Variants in PLSCR2 observed in about 807,000 individuals in gnomAD.
PLSCR2 encodes phospholipid scramblase 2, also known as PL scramblase 2.
Under a neutral mutation model 25.3 loss-of-function variants are expected in PLSCR2, and 18 were observed. The ratio of observed to expected loss-of-function variants is 0.71; its 90% CI spans 0.49 to 1.06. The LOEUF (loss-of-function observed/expected upper bound fraction) is 1.06. Ranked by LOEUF, PLSCR2 falls within the 50% of genes least tolerant of loss-of-function variation. The pLI, the probability that PLSCR2 is intolerant of heterozygous loss-of-function variation, is 0.00. For missense variants in PLSCR2, 243 were observed against 269.5 expected (o/e 0.90, Z 0.69); for synonymous variants, 88 against 87.3 (o/e 1.01, Z -0.04).
intron 1 of PLSCR2, among the ~76,000 whole-genome samples, chr3:146,489,553 A>G (rs1339972822): frequency 6.6e-6 from 1 of 152,026 alleles, no homozygotes; most frequent in Non-Finnish European, 1.5e-5. Flanking sequence ...ACATTTACTA[A>G]TTTCTCTCTT....
intron 1 of PLSCR2, among the ~76,000 whole-genome samples, chr3:146,492,197 T>C (rs889206256): frequency 6.6e-6 from 1 of 152,164 alleles, no homozygotes; most frequent in Non-Finnish European, 1.5e-5. Flanking sequence ...GATCAAATAC[T>C]CACTGCATCG....
chr3:146,413,923 A>G (rs564100023), intron 2 of PLSCR2, among the ~76,000 whole-genome samples: 14 of 152,336 alleles, frequency 9.2e-5, no homozygotes, highest in African/African-American at 3.1e-4. Flanking sequence ...TTGGTATTTC[A>G]ATAAAATAAT....
At chr3:146,399,121 G>T (rs2038374504) in intron 2 of PLSCR2, among the ~76,000 whole-genome samples, 1 of 151,698 alleles carries the variant, frequency 6.6e-6, no homozygotes, top group African/African-American at 2.4e-5. Flanking sequence ...TCCTTTTTAG[G>T]CATGTATGAG....
At chr3:146,420,793 T>C (rs988374228) in intron 2 of PLSCR2, among the ~76,000 whole-genome samples, 2 of 152,128 alleles carry the variant, frequency 1.3e-5, no homozygotes. Flanking sequence ...AATAGGCGTA[T>C]TGTATTATGC....
In PLSCR2 at chr3:146,421,882, G is replaced by C. The variant is rs765577258; in HGVS notation, c.101-25961C>G. 7.6e-4 allele frequency among the ~76,000 whole-genome samples: 115 copies of C among 152,068 alleles called. 6 individuals are homozygous for C. Among genetic ancestry groups the C allele is most frequent in the Non-Finnish European group, 1.2e-4 (8 of 67,984 alleles). On this transcript the variant is annotated intron_variant and NMD_transcript_variant, in intron 2 of 3. Transcript: ENST00000463633. ...GTTTTTAATTTGAGAGACATTAGCT[G>C]AGCAGCACTTTCAGTGTCCTACCTT...
At chr3:146,404,415 G>A (rs983458557) in intron 2 of PLSCR2, among the ~76,000 whole-genome samples, 2 of 152,112 alleles carry the variant, frequency 1.3e-5, no homozygotes, top group African/African-American at 4.8e-5. Flanking sequence ...CTGCCATAAT[G>A]GCAACAATCT....
In PLSCR2 at chr3:146,482,047, C is replaced by T. The variant is rs528315397; in HGVS notation, c.-293+13848G>A. 2.6e-5 allele frequency among the ~76,000 whole-genome samples: 4 copies of T among 152,230 alleles called. No homozygotes were observed. The South Asian group carries it at 8.3e-4, about 32-fold the overall frequency. On this transcript the variant is annotated intron_variant, in intron 1 of 8. Coordinates refer to the PLSCR2 transcript ENST00000336685. ...ATATGTAGAAAGCAGAAGCTGGATCCCTTCCTTACACCTTATACAAAAATT... is the reference window on the plus strand; with the variant it reads ...ATATGTAGAAAGCAGAAGCTGGATCTCTTCCTTACACCTTATACAAAAATT...
At chr3:146,411,797 C>G (rs2038861424) in intron 2 of PLSCR2, among the ~76,000 whole-genome samples, 1 of 152,128 alleles carries the variant, frequency 6.6e-6, no homozygotes, top group Non-Finnish European at 1.5e-5. Context: ...ATAAAGTACG[C>G]AAAAAGTTAA....
chr3:146,483,470 TATAC>T (rs2043216365), intron 1 of PLSCR2, among the ~76,000 whole-genome samples: 1 of 49,494 alleles, frequency 2.0e-5, no homozygotes, highest in Admixed American at 2.0e-4. Context: ...TATATATATA[TATAC>T]ATGTGTATAT....
chr3:146,414,035 G>A (rs2038934049), intron 2 of PLSCR2, among the ~76,000 whole-genome samples: 1 of 152,198 alleles, frequency 6.6e-6, no homozygotes, highest in Non-Finnish European at 1.5e-5. Flanking sequence ...CCTTGTGAGA[G>A]CCTTCCTGCT....
At chr3:146,453,660 C>T (rs190191472) in intron 5 of PLSCR2, among the ~76,000 whole-genome samples, 165 of 152,236 alleles carry the variant, frequency 1.1e-3, no homozygotes, top group Non-Finnish European at 2.1e-3. Flanking sequence ...AGGAAGGATC[C>T]ATATGCTTTG....
At chr3:146,426,877 A>C (rs1454927176) in intron 2 of PLSCR2, among the ~76,000 whole-genome samples, 8 of 152,190 alleles carry the variant, frequency 5.3e-5, no homozygotes, top group Non-Finnish European at 1.0e-4. Context: ...ATGTATACAA[A>C]AATAAAGTGT....
chr3:146,494,375 TATTA>T (rs1347535345), intron 1 of PLSCR2, among the ~76,000 whole-genome samples: 2 of 152,204 alleles, frequency 1.3e-5, no homozygotes, highest in African/African-American at 2.4e-5. Context: ...TGTATGTATT[TATTA>T]ATTTTTATGT....
upstream of PLSCR2, chr3:146,461,997 T>A (rs936359821): frequency 2.2e-5 from 20 of 900,988 alleles, no homozygotes; most frequent in Middle Eastern, 2.4e-4. Context: ...ACAACACATT[T>A]AGTATTATAG....
At chr3:146,461,810 A>G (rs1325950360), upstream of PLSCR2, 1 of 818,116 alleles carries the variant, frequency 1.2e-6, no homozygotes, top group Admixed American at 2.0e-5. Flanking sequence ...TTTGGATTTT[A>G]TCCCAGGTGT....
At chr3:146,453,124 A>G (rs57545585) in intron 5 of PLSCR2, among the ~76,000 whole-genome samples, 72,994 of 151,856 alleles carry the variant, frequency 0.48, 18,591 homozygotes, top group South Asian at 0.7. Context: ...TAATAGAGAA[A>G]TTAAAAATCA....
At chr3:146,482,667 G>T (rs2108538738) in intron 1 of PLSCR2, among the ~76,000 whole-genome samples, 1 of 152,326 alleles carries the variant, frequency 6.6e-6, no homozygotes, top group South Asian at 2.1e-4. Flanking sequence ...AAACAGTGTG[G>T]CAATTCCTCA....
chr3:146,469,682 A>G (rs1311305926), intron 1 of PLSCR2, 121 bp from the exon 1 acceptor site: 7 of 489,894 alleles, frequency 1.4e-5, no homozygotes, highest in East Asian at 3.0e-4. Flanking sequence ...CTGGACCCCA[A>G]GGGTACAACA....
At chr3:146,469,361 T>A in intron 1 of PLSCR2, 134 bp downstream of exon 1, 1 of 968,706 alleles carries the variant, frequency 1.0e-6, no homozygotes, top group South Asian at 4.8e-5. Context: ...CCACTTCAGG[T>A]GTCGCTTCCC....
Sources: gnomAD v4.1 joint callset for allele counts (sites outside exome capture counted in the v4.1 genomes callset) on GRCh38, gnomAD v4.1.1 for gene constraint, MANE v1.5 for transcripts, NCBI Gene and HGNC (gene_info 2026-07-23, HGNC 2026-07-21) for gene names.